MCEMP1: variants seen among roughly 807,000 people sequenced by gnomAD.
The protein encoded by MCEMP1 is mast cell-expressed membrane protein 1.
In MCEMP1, 17 loss-of-function variants were observed where a neutral mutation model predicts 27.9. The ratio of observed to expected loss-of-function variants is 0.61; its 90% CI spans 0.42 to 0.91. The LOEUF (loss-of-function observed/expected upper bound fraction) is 0.91, where lower values mean the gene tolerates loss of function less well. MCEMP1 is among the 40% of genes least tolerant of loss of function. MCEMP1 has a pLI of 0.00. For missense variants in MCEMP1, 200 were observed against 204.8 expected (o/e 0.98, Z 0.14); for synonymous variants, 88 against 76.9 (o/e 1.14, Z -0.76).
In MCEMP1 at chr19:7,678,866, T is replaced by C. The variant is rs2032584573; in HGVS notation, c.449-58T>C. On this transcript the variant is annotated intron_variant, in intron 5 of 6. Transcript: ENST00000333598. The surrounding 1 kb of genome is among the most constrained non-coding windows in gnomAD (Gnocchi z 4.8). The stretch of plus-strand genomic sequence containing the variant: ...CTTCCAAGGAAGGTGGGGGCTTTGT[T>C]TGAGGCTCCACCGCAGCTTGACTTA... 25 of 1,479,690 alleles carry C rather than the reference T, an allele frequency of 1.7e-5. No individual in the cohort carries two copies. Among genetic ancestry groups the C allele is most frequent in the Non-Finnish European group, 2.3e-5 (25 of 1,089,004 alleles). The allele number at this position is 1,479,690 out of a possible 1,614,324, so 91.7% of individuals were successfully genotyped here.
At position 7,678,949 on chromosome 19, in the gene MCEMP1, A is replaced by G. The variant is rs754385449; in HGVS notation, c.474A>G (p.Val158=). The stretch of plus-strand genomic sequence containing the variant: ...GCATAAAAAACATTGACACAAAGGT[A>G]CAGAAAATCTTGGAGGTGCTGCAGA... ...LAGIKNIDTK[V]QKILEVLQKM... Residue 158 remains valine, a synonymous_variant, in exon 6 of 7, where the codon GTA becomes GTG. Coordinates refer to ENST00000333598, the MANE Select transcript of MCEMP1 (RefSeq NM_174918.3). This position sits in a 1 kb window ranked among gnomAD's most constrained non-coding sequence, Gnocchi z 4.8. 22 of 1,478,062 alleles carry G rather than the reference A, an allele frequency of 1.5e-5. No homozygotes were observed. Among genetic ancestry groups the G allele is most frequent in the Non-Finnish European group, 2.0e-5 (22 of 1,097,010 alleles). The allele number at this position is 1,478,062 out of a possible 1,614,324, so 91.6% of individuals were successfully genotyped here. A position where few individuals can be genotyped will look rare whatever the true frequency, so the allele number is the denominator to read the frequency against.
Position 7,677,225 on chromosome 19 carries a change from G to T in MCEMP1, c.55+50G>T. 1 of 1,495,594 alleles carries T rather than the reference G, an allele frequency of 6.7e-7. No homozygotes were observed. Among genetic ancestry groups the T allele is most frequent in the East Asian group, 2.5e-5 (1 of 40,726 alleles). The allele number at this position is 1,495,594 out of a possible 1,614,324, so 92.6% of individuals were successfully genotyped here. On this transcript the variant is annotated intron_variant, in intron 1 of 6. Transcript: ENST00000333598. The surrounding 1 kb of genome is among the most constrained non-coding windows in gnomAD (Gnocchi z 4.6). ...AGGGGTTAAGAAGGAGAGATTGGGG[G>T]GCCGGGGGCTTTTGCTCATGTCTGT...
Position 7,679,054 on chromosome 19 carries a change from C to T in MCEMP1, c.509-44C>T, listed in dbSNP as rs1599422873. ...TCAGATTTAGCCCCAGCTCCTCTCCCAGGGGCGGGATCTGCCTCACTGTGG... is the reference window on the plus strand; with the variant it reads ...TCAGATTTAGCCCCAGCTCCTCTCCTAGGGGCGGGATCTGCCTCACTGTGG... On this transcript the variant is annotated intron_variant, in intron 6 of 6. Transcript: ENST00000333598. This position sits in a 1 kb window ranked among gnomAD's most constrained non-coding sequence, Gnocchi z 4.9. 1.2e-6 allele frequency: 2 copies of T among 1,607,510 alleles called. No homozygotes were observed. The highest frequency in any genetic ancestry group is 4.5e-5 in the East Asian group (2 of 44,842).
In MCEMP1 at chr19:7,678,088, T is replaced by C; in HGVS notation, c.146-16T>C. ...TGCTGGCCCCTCAAGGTCACTTTGC[T>C]GCCTCTTTGCTCCAGTCCCAGCCCA... On this transcript the variant is annotated splice_polypyrimidine_tract_variant and intron_variant, in intron 2 of 6. Coordinates refer to ENST00000333598, the MANE Select transcript of MCEMP1 (RefSeq NM_174918.3). This position sits in a 1 kb window ranked among gnomAD's most constrained non-coding sequence, Gnocchi z 4.8. The C allele has an allele frequency of 6.3e-7, 1 of 1,576,978 alleles. No individual in the cohort carries two copies. Among genetic ancestry groups the C allele is most frequent in the Non-Finnish European group, 8.6e-7 (1 of 1,164,306 alleles).
chr19:7,678,112 C>T lies in MCEMP1; in HGVS notation c.154C>T (p.Gln52Ter). 4 of 1,603,990 alleles carry T rather than the reference C, an allele frequency of 2.5e-6. No homozygotes were observed. The highest frequency in any genetic ancestry group is 3.4e-6 in the Non-Finnish European group (4 of 1,175,598). Residue 52 changes from glutamine to a stop codon, truncating the protein, a stop_gained, in exon 3 of 7, where the codon CAG becomes TAG. Coordinates refer to ENST00000333598, the MANE Select transcript of MCEMP1 (RefSeq NM_174918.3). LOFTEE classifies it high-confidence loss of function. The surrounding 1 kb of genome is among the most constrained non-coding windows in gnomAD (Gnocchi z 4.8). ...CTGCCTCTTTGCTCCAGTCCCAGCC[C>T]AGTGCAGGCCGCCCTCAGACTCCAC... ...HSRPTSQVPA[Q>*]CRPPSDSTQV... is the part of the protein sequence containing the mutation.
At position 7,677,369 on chromosome 19, in the gene MCEMP1, A is replaced by C. The variant is rs561128492; in HGVS notation, c.55+194A>C. ...AAAATAAAAATAAAAAAAGAAGGAG[A>C]GTTCAGATGGGAGAGGTAAGGGGTC... On this transcript the variant is annotated intron_variant, in intron 1 of 6. Coordinates refer to ENST00000333598, the MANE Select transcript of MCEMP1 (RefSeq NM_174918.3). This position sits in a 1 kb window ranked among gnomAD's most constrained non-coding sequence, Gnocchi z 4.6. 7.1e-5 allele frequency among the ~76,000 whole-genome samples: 10 copies of C among 140,760 alleles called. No individual in the cohort carries two copies. The South Asian group carries it at 2.0e-3, about 28-fold the overall frequency. The allele number at this position is 140,760 out of a possible 152,430, so 92.3% of individuals were successfully genotyped here.
In MCEMP1 at chr19:7,677,947, G is replaced by C; in HGVS notation, c.146-157G>C. 2.5e-6 allele frequency: 3 copies of C among 1,208,518 alleles called. No individual in the cohort carries two copies. Among genetic ancestry groups the C allele is most frequent in the Non-Finnish European group, 2.3e-6 (2 of 862,068 alleles). 74.9% of individuals were successfully genotyped at this position (1,208,518 alleles called of 1,614,324 possible). ...CGGTGTTAGATCGCTGAGGGTGGCT[G>C]GTGGTGGCAGTGTTGTTGACGATGA... On this transcript the variant is annotated intron_variant, in intron 2 of 6. Coordinates refer to ENST00000333598, the MANE Select transcript of MCEMP1 (RefSeq NM_174918.3). The surrounding 1 kb of genome is among the most constrained non-coding windows in gnomAD (Gnocchi z 4.6).
At position 7,678,835 on chromosome 19, in the gene MCEMP1, G is replaced by C; in HGVS notation, c.449-89G>C. ...ACCCCAGGGTGGGTGTGGGGCAGGG[G>C]GGGTGCTTCCAAGGAAGGTGGGGGC... On this transcript the variant is annotated intron_variant, in intron 5 of 6. Coordinates refer to ENST00000333598, the MANE Select transcript of MCEMP1 (RefSeq NM_174918.3). This position sits in a 1 kb window ranked among gnomAD's most constrained non-coding sequence, Gnocchi z 4.8. The C allele has an allele frequency of 3.0e-6, 4 of 1,347,018 alleles. No individual in the cohort carries two copies. In the Admixed American group the frequency reaches 6.3e-5, roughly 21 times the overall value. The allele number at this position is 1,347,018 out of a possible 1,614,324, so 83.4% of individuals were successfully genotyped here.
In MCEMP1 at chr19:7,678,352, G is replaced by A; in HGVS notation, c.286G>A (p.Ala96Thr). The A allele has an allele frequency of 1.2e-6, 2 of 1,614,064 alleles. No homozygotes were observed. Among genetic ancestry groups the A allele is most frequent in the South Asian group, 1.1e-5 (1 of 91,084 alleles). The change falls in exon 4 of 7, where the codon GCT (alanine) becomes ACT (threonine). Residue 96 changes from alanine (A) to threonine (T), a missense_variant and splice_region_variant. Coordinates refer to ENST00000333598, the MANE Select transcript of MCEMP1 (RefSeq NM_174918.3). The surrounding 1 kb of genome is among the most constrained non-coding windows in gnomAD (Gnocchi z 4.8). The part of the protein sequence containing the change: ...ILSAFIMVKN[A>T]EMSKELLGFK... ...ATTTTCCTGCCCCTCCTGAACAGAT[G>A]CTGAGATGTCCAAGGAGCTGCTGGG...
Position 7,677,954 on chromosome 19 carries a change from G to A in MCEMP1, c.146-150G>A, listed in dbSNP as rs909063963. The A allele has an allele frequency of 2.4e-6, 3 of 1,252,058 alleles. No homozygotes were observed. Among genetic ancestry groups the A allele is most frequent in the South Asian group, 1.4e-5 (1 of 69,066 alleles). The allele number at this position is 1,252,058 out of a possible 1,614,324, so 77.6% of individuals were successfully genotyped here. A position where few individuals can be genotyped will look rare whatever the true frequency, so the allele number is the denominator to read the frequency against. On this transcript the variant is annotated intron_variant, in intron 2 of 6. Coordinates refer to ENST00000333598, the MANE Select transcript of MCEMP1 (RefSeq NM_174918.3). The surrounding 1 kb of genome is among the most constrained non-coding windows in gnomAD (Gnocchi z 4.6). The stretch of plus-strand genomic sequence containing the variant: ...AGATCGCTGAGGGTGGCTGGTGGTG[G>A]CAGTGTTGTTGACGATGATGACAAG...
rs1411645538 is a variant in MCEMP1, at chr19:7,678,501, C to T, written c.345C>T (p.Ser115=). 7.4e-6 allele frequency: 12 copies of T among 1,613,918 alleles called. No individual in the cohort carries two copies. The highest frequency in any genetic ancestry group is 5.5e-5 in the South Asian group (5 of 91,078). ...GTTTCATGCCCTCAGTCTCAAACTC[C>T]GTACAAGCATGCGAAGAGAGACAGA... The part of the protein sequence containing the change: ...FKRELWNVSN[S]VQACEERQKR... Residue 115 remains serine (S), a synonymous_variant, in exon 5 of 7, where the codon TCC becomes TCT. Transcript: ENST00000333598. The surrounding 1 kb of genome is among the most constrained non-coding windows in gnomAD (Gnocchi z 4.8).
At position 7,678,531 on chromosome 19, in the gene MCEMP1, A is replaced by G; in HGVS notation, c.375A>G (p.Arg125=). ...AAGCATGCGAAGAGAGACAGAAGAG[A>G]GGCTGGGATTCCGTTCAGCAGAGCA... The part of the protein sequence containing the change: ...SVQACEERQK[R]GWDSVQQSIT... The change falls in exon 5 of 7, where the codon AGA becomes AGG. Residue 125 remains arginine, a synonymous_variant. Coordinates refer to ENST00000333598, the MANE Select transcript of MCEMP1 (RefSeq NM_174918.3). This position sits in a 1 kb window ranked among gnomAD's most constrained non-coding sequence, Gnocchi z 4.8. 1 of 1,614,122 alleles carries G rather than the reference A, an allele frequency of 6.2e-7. No individual in the cohort carries two copies. Among genetic ancestry groups the G allele is most frequent in the Non-Finnish European group, 8.5e-7 (1 of 1,180,028 alleles).
Position 7,677,220 on chromosome 19 carries a change from T to G in MCEMP1, c.55+45T>G. 4.8e-5 allele frequency: 68 copies of G among 1,409,416 alleles called. No homozygotes were observed. The highest frequency in any genetic ancestry group is 6.2e-5 in the Non-Finnish European group (63 of 1,019,150). The allele number at this position is 1,409,416 out of a possible 1,614,324, so 87.3% of individuals were successfully genotyped here. ...AAGGGAGGGGTTAAGAAGGAGAGATTGGGGGGCCGGGGGCTTTTGCTCATG... is the reference window on the plus strand; with the variant it reads ...AAGGGAGGGGTTAAGAAGGAGAGATGGGGGGGCCGGGGGCTTTTGCTCATG... On this transcript the variant is annotated intron_variant, in intron 1 of 6. Transcript: ENST00000333598. This position sits in a 1 kb window ranked among gnomAD's most constrained non-coding sequence, Gnocchi z 4.6.
In MCEMP1 at chr19:7,679,300, G is replaced by A; in HGVS notation, c.*186G>A. 1.5e-6 allele frequency: 1 copy of A among 668,974 alleles called. No individual in the cohort carries two copies. Among genetic ancestry groups the A allele is most frequent in the Non-Finnish European group, 2.5e-6 (1 of 394,386 alleles). 41.4% of individuals were successfully genotyped at this position (668,974 alleles called of 1,614,324 possible). A position where few individuals can be genotyped will look rare whatever the true frequency, so the allele number is the denominator to read the frequency against. ...TGCTCGTGTGTGTGTACACCTGCGT[G>A]CGTGTGTGTGCGTGTGTGCGCGTGT... is the stretch of plus-strand genomic sequence containing the variant. On this transcript the variant is annotated 3_prime_UTR_variant, in exon 7 of 7. Coordinates refer to ENST00000333598, the MANE Select transcript of MCEMP1 (RefSeq NM_174918.3). This position sits in a 1 kb window ranked among gnomAD's most constrained non-coding sequence, Gnocchi z 4.9.
Position 7,678,046 on chromosome 19 carries a change from G to A in MCEMP1, c.146-58G>A. 6.5e-7 allele frequency: 1 copy of A among 1,536,010 alleles called. No individual in the cohort carries two copies. The highest frequency in any genetic ancestry group is 8.7e-7 in the Non-Finnish European group (1 of 1,144,960). On this transcript the variant is annotated intron_variant, in intron 2 of 6. Transcript: ENST00000333598. The surrounding 1 kb of genome is among the most constrained non-coding windows in gnomAD (Gnocchi z 4.8). ...TGTCCATGGTGTTAGAGACAGTGAG[G>A]ATGGTTTGAGTGGTGGTGCTGGCCC...
chr19:7,677,863 T>G lies in MCEMP1; in HGVS notation c.145+137T>G. ...GAGGTGACAGCTGTTGACGTGCTAA[T>G]GAGGTCTGTTGATGATGACAATGTT... On this transcript the variant is annotated intron_variant, in intron 2 of 6. Transcript: ENST00000333598. The surrounding 1 kb of genome is among the most constrained non-coding windows in gnomAD (Gnocchi z 4.6). 9.8e-7 allele frequency: 1 copy of G among 1,016,574 alleles called. No homozygotes were observed. Among genetic ancestry groups the G allele is most frequent in the Non-Finnish European group, 1.5e-6 (1 of 683,700 alleles). 63.0% of individuals were successfully genotyped at this position (1,016,574 alleles called of 1,614,324 possible). A position where few individuals can be genotyped will look rare whatever the true frequency, so the allele number is the denominator to read the frequency against.
rs775487601 is a variant in MCEMP1, at chr19:7,679,188, GACC to G, written c.*75_*77del. ...GCACCTGCCAACGAAGACGGGAAAT[GACC>G]CCCCCCCCCCAGCCTAGTGTGAACC... On this transcript the variant is annotated 3_prime_UTR_variant, in exon 7 of 7. Coordinates refer to ENST00000333598, the MANE Select transcript of MCEMP1 (RefSeq NM_174918.3). This position sits in a 1 kb window ranked among gnomAD's most constrained non-coding sequence, Gnocchi z 4.9. 6.5e-6 allele frequency: 8 copies of G among 1,222,788 alleles called. No homozygotes were observed. Among genetic ancestry groups the G allele is most frequent in the South Asian group, 3.3e-5 (2 of 61,220 alleles). 75.7% of individuals were successfully genotyped at this position (1,222,788 alleles called of 1,614,324 possible).
chr19:7,677,807 G>A lies in MCEMP1; in HGVS notation c.145+81G>A, dbSNP rs1236952006. 5.9e-6 allele frequency: 8 copies of A among 1,347,486 alleles called. No individual in the cohort carries two copies. Among genetic ancestry groups the A allele is most frequent in the Non-Finnish European group, 8.1e-6 (8 of 984,744 alleles). The allele number at this position is 1,347,486 out of a possible 1,614,324, so 83.5% of individuals were successfully genotyped here. On this transcript the variant is annotated intron_variant, in intron 2 of 6. Transcript: ENST00000333598. This position sits in a 1 kb window ranked among gnomAD's most constrained non-coding sequence, Gnocchi z 4.6. ...GGGCAACTGCAGGGCCCCCGGGGCT[G>A]CGTGGAAGGGAGGAAGCGATGGGGA...
chr19:7,678,253 TTG>T lies in MCEMP1; in HGVS notation c.283+13_283+14del. 1.2e-6 allele frequency: 2 copies of T among 1,614,068 alleles called. No individual in the cohort carries two copies. Among genetic ancestry groups the T allele is most frequent in the Non-Finnish European group, 1.7e-6 (2 of 1,179,978 alleles). ...CATCATGGTGAAGAGTGAGTACTTC[TTG>T]GGAGGAGGGTGCTGGGGGGCCTAGA... is the stretch of plus-strand genomic sequence containing the variant. On this transcript the variant is annotated intron_variant, in intron 3 of 6. Coordinates refer to ENST00000333598, the MANE Select transcript of MCEMP1 (RefSeq NM_174918.3). The surrounding 1 kb of genome is among the most constrained non-coding windows in gnomAD (Gnocchi z 4.8).
Sources: gnomAD v4.1 joint callset for allele counts (sites outside exome capture counted in the v4.1 genomes callset) on GRCh38, gnomAD v4.1.1 for gene constraint, Gnocchi (gnomAD v3.1) non-coding constraint, MANE v1.5 for transcripts, NCBI Gene and HGNC (gene_info 2026-07-23, HGNC 2026-07-21) for gene names.